CTBP2: variants seen among roughly 807,000 people sequenced by gnomAD.
CTBP2 encodes the protein C-terminal binding protein 2, also known as C-terminal-binding protein 2.
CTBP2 carries 30 observed loss-of-function variants against 80.3 expected under a neutral mutation model. The ratio of observed to expected loss-of-function variants is 0.37; its 90% CI spans 0.28 to 0.51. CTBP2 has a LOEUF of 0.51. Among genes scored for constraint, CTBP2 ranks in the 20% least tolerant of loss-of-function variants. The pLI, the probability that CTBP2 is intolerant of heterozygous loss-of-function variation, is 0.93. For synonymous variants in CTBP2, 594 were observed against 587.4 expected (o/e 1.01, Z -0.16); for missense variants, 1,212 against 1,375.3 (o/e 0.88, Z 1.88).
chr10:125,082,471 T>C (rs1270438998), intron 2 of CTBP2, among the ~76,000 whole-genome samples: 1 of 152,206 alleles, frequency 6.6e-6, no homozygotes, highest in African/African-American at 2.4e-5. Flanking sequence ...TAAGATTTAA[T>C]AGGCCTCTTG....
intron 1 of CTBP2, among the ~76,000 whole-genome samples, chr10:125,149,959 C>T (rs1345965080): frequency 6.6e-6 from 1 of 152,246 alleles, no homozygotes; most frequent in Non-Finnish European, 1.5e-5. Flanking sequence ...CCACACCACA[C>T]GGATGCAGGG....
intron 3 of CTBP2, among the ~76,000 whole-genome samples, chr10:125,035,385 C>T (rs1324683693): frequency 2.6e-5 from 4 of 152,288 alleles, no homozygotes; most frequent in African/African-American, 9.6e-5. Context: ...TGGAGAAGCA[C>T]CCTCCCTGAG....
chr10:125,040,419 C>T (rs1239112039), intron 2 of CTBP2, among the ~76,000 whole-genome samples: 6 of 143,242 alleles, frequency 4.2e-5, no homozygotes, highest in Non-Finnish European at 8.9e-5. Context: ...TGTACCACTG[C>T]ACTCCAACCT....
At chr10:125,055,637 C>T (rs979291390) in intron 2 of CTBP2, among the ~76,000 whole-genome samples, 2 of 152,142 alleles carry the variant, frequency 1.3e-5, no homozygotes, top group Admixed American at 6.5e-5. Context: ...TCTCACAAAG[C>T]CACACCCCAC....
At chr10:125,116,813 A>C (rs1483543201) in intron 1 of CTBP2, among the ~76,000 whole-genome samples, 2 of 152,330 alleles carry the variant, frequency 1.3e-5, no homozygotes, top group East Asian at 3.9e-4. Flanking sequence ...AGATCCTCCC[A>C]ACGATTTCAA....
chr10:125,098,655 GGGGAGAGAGAGAGA>G (rs1286777595), intron 2 of CTBP2, among the ~76,000 whole-genome samples: 41 of 24,826 alleles, frequency 1.7e-3, no homozygotes, highest in South Asian at 0.013. Context: ...AATGGGGGAG[GGGGAGAGAGAGAGA>G]GAGAGAGAGA....
At chr10:125,016,663 T>G (rs1477045692) in intron 1 of CTBP2, among the ~76,000 whole-genome samples, 1 of 152,280 alleles carries the variant, frequency 6.6e-6, no homozygotes, top group Non-Finnish European at 1.5e-5. Context: ...CGAGGACTGC[T>G]GTCCGGCAGG....
chr10:125,122,392 A>T (rs1854483372), intron 1 of CTBP2, among the ~76,000 whole-genome samples: 1 of 152,238 alleles, frequency 6.6e-6, no homozygotes, highest in Non-Finnish European at 1.5e-5. Flanking sequence ...TCACTGTGAG[A>T]TTAGATTCTT....
intron 2 of CTBP2, among the ~76,000 whole-genome samples, chr10:125,088,509 G>C (rs1590685953): frequency 6.6e-6 from 1 of 152,218 alleles, no homozygotes; most frequent in East Asian, 1.9e-4. Context: ...GATGCTGCTG[G>C]TCATCACTCA....
rs1952067396 is a variant in CTBP2, at chr10:124,987,101, CAT to C, written c.*2415_*2416del. On this transcript the variant is annotated 3_prime_UTR_variant, in exon 9 of 9. Coordinates refer to ENST00000309035, the MANE Select transcript of CTBP2 (RefSeq NM_022802.3). ...CAGGAATGGGGCTCTAAATGGTTTT[CAT>C]AGACTGGCTGTTAAAGGCCAAAAAT... 1 of 152,586 alleles carries C rather than the reference CAT, an allele frequency of 6.6e-6. No homozygotes were observed. The allele number at this position is 152,586 out of a possible 1,614,324, so 9.5% of individuals were successfully genotyped here.
chr10:125,043,361 C>T (rs920906951), intron 2 of CTBP2, among the ~76,000 whole-genome samples: 2 of 152,222 alleles, frequency 1.3e-5, no homozygotes, highest in South Asian at 2.1e-4. Flanking sequence ...CTCTACCAAG[C>T]GCCCTTAAGG....
chr10:125,055,550 G>A (rs960568413), intron 2 of CTBP2, among the ~76,000 whole-genome samples: 51 of 152,150 alleles, frequency 3.4e-4, no homozygotes, highest in African/African-American at 1.1e-3. Context: ...TACATCTCCC[G>A]CTCCCCCAGA....
At chr10:125,087,547 G>C (rs917545762) in intron 2 of CTBP2, among the ~76,000 whole-genome samples, 6 of 152,168 alleles carry the variant, frequency 3.9e-5, no homozygotes, top group Non-Finnish European at 8.8e-5. Context: ...CAAAGAGCCT[G>C]GGCCTGCTCC....
intron 1 of CTBP2, among the ~76,000 whole-genome samples, chr10:125,159,494 T>TGGCGGC (rs941397445): frequency 6.8e-6 from 1 of 146,416 alleles, no homozygotes; most frequent in Non-Finnish European, 1.5e-5. Flanking sequence ...CGCGCGGCAG[T>TGGCGGC]GGCGGCGGCG....
intron 1 of CTBP2, among the ~76,000 whole-genome samples, chr10:125,023,933 G>T (rs1321366400): frequency 6.6e-6 from 1 of 152,210 alleles, no homozygotes; most frequent in African/African-American, 2.4e-5. Context: ...CCCTCCGATG[G>T]GAGGGAAGCA....
intron 1 of CTBP2, among the ~76,000 whole-genome samples, chr10:125,140,614 G>A (rs1459735873): frequency 6.6e-6 from 1 of 152,192 alleles, no homozygotes; most frequent in Non-Finnish European, 1.5e-5. Context: ...CCTGAGGTCA[G>A]GAGTTCGAGA....
intron 1 of CTBP2, among the ~76,000 whole-genome samples, chr10:125,153,124 G>A (rs867465011): frequency 3.3e-5 from 5 of 152,222 alleles, no homozygotes; most frequent in Non-Finnish European, 7.3e-5. Context: ...TCCCTGTTCC[G>A]AGCAGAGTAA....
rs1038612469 is a variant in CTBP2 at position 124,986,545 on chromosome 10, G to A, written c.*2973C>T. 2.0e-5 allele frequency: 3 copies of A among 152,112 alleles called. No homozygotes were observed. The highest frequency in any genetic ancestry group is 7.2e-5 in the African/African-American group (3 of 41,420). 9.4% of individuals were successfully genotyped at this position (152,112 alleles called of 1,614,324 possible). A position where few individuals can be genotyped will look rare whatever the true frequency, so the allele number is the denominator to read the frequency against. ...ATGAAAAGATCATTTTTTGCTGCAT[G>A]CTAAATCTTGCAGGAAAAATGATTT... On this transcript the variant is annotated 3_prime_UTR_variant, in exon 9 of 9. Transcript: ENST00000309035.
At chr10:125,075,471 A>C (rs868629174) in intron 2 of CTBP2, among the ~76,000 whole-genome samples, 1 of 152,168 alleles carries the variant, frequency 6.6e-6, no homozygotes, top group Non-Finnish European at 1.5e-5. Context: ...ATGACACACC[A>C]AGAAGACCCT....
Sources: allele counts gnomAD v4.1 joint callset (sites outside exome capture counted in the v4.1 genomes callset), GRCh38; gene constraint gnomAD v4.1.1; transcripts MANE v1.5; gene names NCBI Gene and HGNC (gene_info 2026-07-23, HGNC 2026-07-21).